ANXA4: variants seen among roughly 807,000 people sequenced by gnomAD.
ANXA4 encodes the protein 35-beta calcimedin.
Under a neutral mutation model 49.8 loss-of-function variants are expected in ANXA4, and 39 were observed. That is an observed-to-expected ratio of 0.78 (90% CI 0.61 to 1.02). ANXA4 has a LOEUF of 1.02. Ranked by LOEUF, ANXA4 falls within the 50% of genes least tolerant of loss-of-function variation. ANXA4 has a pLI of 0.00. For missense variants in ANXA4, 360 were observed against 410.1 expected (o/e 0.88, Z 1.05); for synonymous variants, 134 against 152.5 (o/e 0.88, Z 0.89).
chr2:69,691,889 G>A (rs763452551), intron 2 of ANXA4, among the ~76,000 whole-genome samples: 1 of 152,032 alleles, frequency 6.6e-6, no homozygotes, highest in Non-Finnish European at 1.5e-5. Flanking sequence ...TGTTTTTTGT[G>A]TGTTTGTTTG....
chr2:69,818,666 T>C lies in ANXA4; in HGVS notation c.696T>C (p.Gly232=). The change falls in exon 10 of 13, where the codon GGT becomes GGC. Residue 232 remains glycine, a synonymous_variant. Transcript: ENST00000394295. The part of the protein sequence containing the change: ...IEQSIKSETS[G]SFEDALLAIV... Reference sequence around the variant, plus strand: ...AGAGTATTAAATCTGAAACATCTGGTAGCTTTGAAGATGCTCTGCTGGCTA... The same window carrying C: ...AGAGTATTAAATCTGAAACATCTGGCAGCTTTGAAGATGCTCTGCTGGCTA... 6.2e-7 allele frequency: 1 copy of C among 1,609,824 alleles called. No homozygotes were observed. The highest frequency in any genetic ancestry group is 8.5e-7 in the Non-Finnish European group (1 of 1,177,582).
intron 1 of ANXA4, among the ~76,000 whole-genome samples, chr2:69,743,385 T>G (rs1413288076): frequency 6.7e-6 from 1 of 148,510 alleles, no homozygotes; most frequent in Non-Finnish European, 1.5e-5. Context: ...GCCTGGCTAA[T>G]TTTTGTATTT....
intron 1 of ANXA4, among the ~76,000 whole-genome samples, chr2:69,745,075 G>A (rs1670555761): frequency 6.6e-6 from 1 of 152,050 alleles, no homozygotes; most frequent in Non-Finnish European, 1.5e-5. Flanking sequence ...TCCAGCCTAG[G>A]TGACAGAGTG....
intron 2 of ANXA4, among the ~76,000 whole-genome samples, chr2:69,782,519 C>T (rs1559186939): frequency 6.6e-6 from 1 of 151,940 alleles, no homozygotes; most frequent in Non-Finnish European, 1.5e-5. Flanking sequence ...AAAATATTTA[C>T]GTATTTTTAT....
At chr2:69,730,221 G>C (rs1214127977) in intron 3 of ANXA4, among the ~76,000 whole-genome samples, 1 of 152,074 alleles carries the variant, frequency 6.6e-6, no homozygotes, top group African/African-American at 2.4e-5. Context: ...ACCCAGGAGG[G>C]CTGGGCATGG....
intron 9 of ANXA4, chr2:69,817,696 C>T (rs1054858254): frequency 1.3e-5 from 2 of 152,180 alleles, no homozygotes; most frequent in African/African-American, 4.8e-5. Context: ...ATTTCTAAAG[C>T]AGAGTTTCTG....
intron 2 of ANXA4, among the ~76,000 whole-genome samples, chr2:69,660,994 A>C (rs1156431074): frequency 6.6e-6 from 1 of 152,172 alleles, no homozygotes; most frequent in African/African-American, 2.4e-5. Context: ...ATATAGCTAC[A>C]TTTACTGACA....
intron 3 of ANXA4, among the ~76,000 whole-genome samples, chr2:69,730,713 G>A (rs1364816769): frequency 6.6e-6 from 1 of 152,218 alleles, no homozygotes; most frequent in Non-Finnish European, 1.5e-5. Flanking sequence ...TGCACTGTAA[G>A]AAACTGTCTA....
chr2:69,732,482 G>T (rs989521913), intron 3 of ANXA4, among the ~76,000 whole-genome samples: 27 of 151,754 alleles, frequency 1.8e-4, no homozygotes, highest in African/African-American at 6.0e-4. Flanking sequence ...GTGTTGGCTG[G>T]GCGTGGTGGC....
chr2:69,810,629 G>T lies in ANXA4; in HGVS notation c.433G>T (p.Asp145Tyr). The T allele has an allele frequency of 6.2e-7, 1 of 1,614,128 alleles. No homozygotes were observed. Among genetic ancestry groups the T allele is most frequent in the South Asian group, 1.1e-5 (1 of 91,076 alleles). ...GAGCCTTGAAGATGACATTCGCTCT[G>T]ACACATCGTTCATGTTCCAGCGAGT... Reference protein sequence around the residue: ...GRSLEDDIRSDTSFMFQRVLV... With the variant: ...GRSLEDDIRSYTSFMFQRVLV... Residue 145 changes from aspartate to tyrosine, a missense_variant, in exon 7 of 13, where the codon GAC becomes TAC. Transcript: ENST00000394295.
intron 1 of ANXA4, among the ~76,000 whole-genome samples, chr2:69,749,609 A>AG: frequency 6.6e-6 from 1 of 152,168 alleles, no homozygotes; most frequent in Non-Finnish European, 1.5e-5. Flanking sequence ...AGTAAAGTAC[A>AG]GCTGTGTGTG....
At chr2:69,671,341 T>C (rs906951720) in intron 2 of ANXA4, among the ~76,000 whole-genome samples, 4 of 152,154 alleles carry the variant, frequency 2.6e-5, no homozygotes, top group Admixed American at 1.3e-4. Context: ...ATCCTGAATA[T>C]GTAAAGAACT....
chr2:69,819,986 G>A (rs1674160382), intron 11 of ANXA4, among the ~76,000 whole-genome samples: 1 of 151,528 alleles, frequency 6.6e-6, no homozygotes. Context: ...GAGAATCACT[G>A]GAACCCAGGA....
intron 3 of ANXA4, among the ~76,000 whole-genome samples, chr2:69,798,474 A>G (rs901468648): frequency 3.3e-5 from 5 of 152,216 alleles, no homozygotes; most frequent in African/African-American, 9.7e-5. Context: ...GGGTCAGTCC[A>G]GGAGCCTTTT....
intron 2 of ANXA4, among the ~76,000 whole-genome samples, chr2:69,673,128 C>T (rs956419373): frequency 1.1e-4 from 16 of 151,980 alleles, no homozygotes; most frequent in South Asian, 4.1e-4. Context: ...GGATCCAGAA[C>T]GAAAAATACC....
At chr2:69,757,266 A>ATATT (rs1424932911) in intron 1 of ANXA4, among the ~76,000 whole-genome samples, 35 of 27,640 alleles carry the variant, frequency 1.3e-3, no homozygotes, top group South Asian at 6.1e-3. Context: ...ATATATATAT[A>ATATT]TTTTTTTTTT....
At chr2:69,745,551 G>A (rs1670575273) in intron 1 of ANXA4, among the ~76,000 whole-genome samples, 1 of 151,716 alleles carries the variant, frequency 6.6e-6, no homozygotes, top group Admixed American at 6.6e-5. Context: ...TATTTTTTGA[G>A]ACAGAGTCTT....
At chr2:69,677,657 C>T (rs1166522598) in intron 2 of ANXA4, among the ~76,000 whole-genome samples, 1 of 152,206 alleles carries the variant, frequency 6.6e-6, no homozygotes, top group Non-Finnish European at 1.5e-5. Flanking sequence ...ATGGATGGCA[C>T]TTTGGCATGC....
intron 1 of ANXA4, among the ~76,000 whole-genome samples, chr2:69,748,215 A>G (rs892772626): frequency 6.6e-6 from 1 of 151,950 alleles, no homozygotes; most frequent in Non-Finnish European, 1.5e-5. Context: ...CTCTACTAAA[A>G]AAATACAAAA....
Sources: allele counts gnomAD v4.1 joint callset (sites outside exome capture counted in the v4.1 genomes callset), GRCh38; gene constraint gnomAD v4.1.1; transcripts MANE v1.5; gene names NCBI Gene and HGNC (gene_info 2026-07-23, HGNC 2026-07-21).